The following LSG1 variants were observed in gnomAD, a reference collection of about 807,000 sequenced individuals.
LSG1 encodes large 60S subunit nuclear export GTPase 1.
A neutral mutation model predicts 82.6 loss-of-function variants in LSG1; 55 were observed. The ratio of observed to expected loss-of-function variants is 0.67; its 90% CI spans 0.54 to 0.83. The LOEUF is 0.83. LSG1 is among the 40% of genes least tolerant of loss of function. LSG1 has a pLI of 0.00. For missense variants in LSG1, 809 were observed against 807.9 expected (o/e 1.00, Z -0.02); for synonymous variants, 272 against 282.5 (o/e 0.96, Z 0.37).
Position 194,672,075 on chromosome 3 carries a change from T to A in LSG1, c.88A>T (p.Thr30Ser). The A allele has an allele frequency of 1.2e-6, 2 of 1,612,110 alleles. No individual in the cohort carries two copies. Among genetic ancestry groups the A allele is most frequent in the Non-Finnish European group, 1.7e-6 (2 of 1,179,846 alleles). Residue 30 changes from threonine to serine, a missense_variant, in exon 1 of 14, where the codon ACT becomes TCT. Thr to Ser is a moderately conservative substitution (Grantham distance 58, BLOSUM62 1). Transcript: ENST00000265245. ...QTQRSRSHRH[T>S]DSWLHTSELN... ...ATGGTCTGTCTTACCCAGGAGTCAG[T>A]GTGACGATGGCTTCGGCTCCGCTGA...
At chr3:194,644,909 A>T (rs1034973906) in intron 12 of LSG1, 163 bp from the exon 13 acceptor site, 2 of 473,784 alleles carry the variant, frequency 4.2e-6, no homozygotes, top group Non-Finnish European at 7.4e-6. Flanking sequence ...TTTTTCTAAT[A>T]CATCAATGGT....
At chr3:194,644,789 A>G in intron 12 of LSG1, 43 bp from the exon 13 acceptor site, 1 of 1,526,402 alleles carries the variant, frequency 6.6e-7, no homozygotes, top group Non-Finnish European at 8.9e-7. Context: ...CCTAAGTGCC[A>G]TCTGTGGCCT....
At chr3:194,669,537 AT>A (rs1719101040) in intron 2 of LSG1, among the ~76,000 whole-genome samples, 1 of 152,116 alleles carries the variant, frequency 6.6e-6, no homozygotes, top group Non-Finnish European at 1.5e-5. Context: ...ACTTCTAGCC[AT>A]TTTCTGAACA....
Position 194,641,760 on chromosome 3 carries a change from C to T in LSG1, c.*308G>A, listed in dbSNP as rs185054051. The stretch of plus-strand genomic sequence containing the variant: ...TCCCGAGTAGCTGGGATTACAGGTG[C>T]GCGCCACCACGCCTGGCTAATTTTT... On this transcript the variant is annotated 3_prime_UTR_variant, in exon 14 of 14. Coordinates refer to ENST00000265245, the MANE Select transcript of LSG1 (RefSeq NM_018385.3). 165 of 194,916 alleles carry T rather than the reference C, an allele frequency of 8.5e-4. 1 individual carries two copies. The highest frequency in any genetic ancestry group is 3.5e-3 in the Admixed American group (60 of 17,128). The allele number at this position is 194,916 out of a possible 1,614,324, so 12.1% of individuals were successfully genotyped here. A position where few individuals can be genotyped will look rare whatever the true frequency, so the allele number is the denominator to read the frequency against.
At chr3:194,670,564 AAT>A (rs984642308) in intron 1 of LSG1, among the ~76,000 whole-genome samples, 1 of 152,250 alleles carries the variant, frequency 6.6e-6, no homozygotes, top group Non-Finnish European at 1.5e-5. Context: ...ATGTACATAT[AAT>A]GATACAAGCA....
At chr3:194,645,617 CACACAG>C (rs1718534233) in intron 12 of LSG1, among the ~76,000 whole-genome samples, 4 of 145,252 alleles carry the variant, frequency 2.8e-5, no homozygotes, top group African/African-American at 5.1e-5. Context: ...CACACACACA[CACACAG>C]AGTTTTCATT....
At chr3:194,648,355 T>C (rs1396633541) in intron 11 of LSG1, among the ~76,000 whole-genome samples, 1 of 152,144 alleles carries the variant, frequency 6.6e-6, no homozygotes, top group Admixed American at 6.5e-5. Flanking sequence ...TGCCTCGCTG[T>C]GGCGTGCGGA....
chr3:194,669,731 A>T (rs1333343722), intron 2 of LSG1, among the ~76,000 whole-genome samples: 1 of 152,192 alleles, frequency 6.6e-6, no homozygotes, highest in Non-Finnish European at 1.5e-5. Context: ...CAGGAGATCA[A>T]GAACATCCTG....
At chr3:194,644,368 C>CA (rs1395757240) in intron 13 of LSG1, among the ~76,000 whole-genome samples, 854 of 61,946 alleles carry the variant, frequency 0.014, 34 homozygotes, top group African/African-American at 0.035. Flanking sequence ...GACTCCGTCT[C>CA]AAAAAAAAAA....
rs771199540 is a variant in LSG1 at position 194,648,737 on chromosome 3, T to C, written c.1487A>G (p.Glu496Gly). ...TYGINIITPREDEDPHRPPTS... is the reference protein window; with the variant it reads ...TYGINIITPRGDEDPHRPPTS... ...TGGAGGTCGGTGGGGATCTTCATCC[T>C]CTCTAGGCGTTATGATGTTAATGCC... Residue 496 changes from glutamate (E) to glycine (G), a missense_variant, in exon 11 of 14, where the codon GAG becomes GGG. Physicochemically the swap from Glu to Gly is moderately conservative, Grantham distance 98. Transcript: ENST00000265245. 1.2e-6 allele frequency: 2 copies of C among 1,614,026 alleles called. No individual in the cohort carries two copies. The highest frequency in any genetic ancestry group is 1.1e-5 in the South Asian group (1 of 91,084).
At position 194,641,319 on chromosome 3, in the gene LSG1, C is replaced by T. The variant is rs536095426; in HGVS notation, c.*749G>A. On this transcript the variant is annotated 3_prime_UTR_variant, in exon 14 of 14. Coordinates refer to ENST00000265245, the MANE Select transcript of LSG1 (RefSeq NM_018385.3). ...TGCAAAAGAAAGACCTCAATCTTCC[C>T]ATTCCTCCCATCCCGAAGCAACCAC... 1.2e-4 allele frequency: 18 copies of T among 152,310 alleles called. No homozygotes were observed. The highest frequency in any genetic ancestry group is 3.6e-4 in the African/African-American group (15 of 41,552). 9.4% of individuals were successfully genotyped at this position (152,310 alleles called of 1,614,324 possible).
chr3:194,645,535 G>GACACACACACACACACACAGAC lies in LSG1; in HGVS notation c.1623+628_1623+629insGTCTGTGTGTGTGTGTGTGTGT, dbSNP rs1553845119. On this transcript the variant is annotated intron_variant, in intron 12 of 13. Transcript: ENST00000265245. ...ACACACACACACACACACACAGACA[G>GACACACACACACACACACAGAC]ACACACACACACACACACACACACA... The GACACACACACACACACACAGAC allele has an allele frequency of 5.7e-5, 2 of 34,962 alleles. 1 individual carries two copies. Among genetic ancestry groups the GACACACACACACACACACAGAC allele is most frequent in the Non-Finnish European group, 1.3e-4 (2 of 15,906 alleles). The allele number at this position is 34,962 out of a possible 1,614,324, so 2.2% of individuals were successfully genotyped here.
intron 5 of LSG1, among the ~76,000 whole-genome samples, chr3:194,662,277 T>C (rs1034724275): frequency 2.0e-5 from 3 of 152,150 alleles, no homozygotes; most frequent in Non-Finnish European, 4.4e-5. Context: ...TAGGGTTTAT[T>C]ATGGAGAAAA....
At chr3:194,649,330 A>G (rs1560221552) in intron 10 of LSG1, among the ~76,000 whole-genome samples, 2 of 152,132 alleles carry the variant, frequency 1.3e-5, no homozygotes, top group Non-Finnish European at 2.9e-5. Context: ...CCTATCCTCC[A>G]CAGCACCTAA....
Position 194,658,981 on chromosome 3 carries a change from G to A in LSG1, c.735C>T (p.Ala245=), listed in dbSNP as rs750017571. ...KVIFWSALAG[A]IPLNGDSEEE... Reference sequence around the variant, plus strand: ...CCTCAGAGTCACCATTCAGGGGAATGGCTCCGGCCAAAGCTGACCAGAAAA... The same window carrying A: ...CCTCAGAGTCACCATTCAGGGGAATAGCTCCGGCCAAAGCTGACCAGAAAA... The change falls in exon 7 of 14, where the codon GCC becomes GCT. Residue 245 remains alanine (A), a synonymous_variant. Coordinates refer to ENST00000265245, the MANE Select transcript of LSG1 (RefSeq NM_018385.3). 2 of 1,613,980 alleles carry A rather than the reference G, an allele frequency of 1.2e-6. No individual in the cohort carries two copies. Among genetic ancestry groups the A allele is most frequent in the South Asian group, 2.2e-5 (2 of 91,054 alleles).
intron 5 of LSG1, chr3:194,660,856 C>A: frequency 2.2e-6 from 1 of 456,494 alleles, no homozygotes; most frequent in Non-Finnish European, 4.4e-6. Flanking sequence ...AAATCCCTCA[C>A]AAATATAGTG....
intron 11 of LSG1, among the ~76,000 whole-genome samples, chr3:194,647,019 A>G (rs924905856): frequency 6.6e-6 from 1 of 152,254 alleles, no homozygotes; most frequent in Non-Finnish European, 1.5e-5. Context: ...CGGCTTCAGC[A>G]GACAGGCTGC....
intron 5 of LSG1, among the ~76,000 whole-genome samples, chr3:194,662,196 C>A (rs946136027): frequency 6.6e-6 from 1 of 152,226 alleles, no homozygotes; most frequent in Non-Finnish European, 1.5e-5. Context: ...AGGTCGGCTA[C>A]CCTGTTCCAT....
rs907559416 is a variant in LSG1 at position 194,650,812 on chromosome 3, T to G, written c.1419+69A>C. On this transcript the variant is annotated intron_variant, in intron 10 of 13. Coordinates refer to ENST00000265245, the MANE Select transcript of LSG1 (RefSeq NM_018385.3). ...CTTCATCAAATCTGAATCCCTCAAA[T>G]GCCCAAAATAAACCTGAAGCCCTAA... The G allele has an allele frequency of 4.0e-6, 6 of 1,495,120 alleles. No individual in the cohort carries two copies. The African/African-American group carries it at 4.2e-5, about 10-fold the overall frequency. The allele number at this position is 1,495,120 out of a possible 1,614,324, so 92.6% of individuals were successfully genotyped here.
Sources: allele counts gnomAD v4.1 joint callset (sites outside exome capture counted in the v4.1 genomes callset), GRCh38; gene constraint gnomAD v4.1.1; transcripts MANE v1.5; gene names NCBI Gene and HGNC (gene_info 2026-07-23, HGNC 2026-07-21).